The following PCDHA9 variants were observed in gnomAD, a reference collection of about 807,000 sequenced individuals.
PCDHA9 encodes the protein protocadherin alpha 9, also known as protocadherin alpha-9.
PCDHA9 carries 62 observed loss-of-function variants against 62.0 expected under a neutral mutation model. That is an observed-to-expected ratio of 1.00 (90% CI 0.81 to 1.23). The LOEUF (loss-of-function observed/expected upper bound fraction) is 1.23, where lower values mean the gene tolerates loss of function less well. Among genes scored for constraint, PCDHA9 ranks in the 50% most tolerant of loss-of-function variants. PCDHA9 has a pLI of 0.00. For synonymous variants in PCDHA9, 557 were observed against 567.6 expected (o/e 0.98, Z 0.27); for missense variants, 1,205 against 1,249.8 (o/e 0.96, Z 0.54).
At chr5:140,913,384 C>T (rs1018271300) in intron 1 of PCDHA9, among the ~76,000 whole-genome samples, 1 of 152,144 alleles carries the variant, frequency 6.6e-6, no homozygotes, top group Non-Finnish European at 1.5e-5. Flanking sequence ...AGTGGCTCAT[C>T]ATAGCCACTA....
chr5:140,875,687 G>T, intron 1 of PCDHA9: 10 of 1,614,012 alleles, frequency 6.2e-6, no homozygotes, highest in Non-Finnish European at 8.5e-6. Context: ...AAAAGACACG[G>T]GGACCTTCTG....
At chr5:140,866,680 C>G (rs2049493628) in intron 1 of PCDHA9, 1 of 152,138 alleles carries the variant, frequency 6.6e-6, no homozygotes, top group South Asian at 2.1e-4. Context: ...AGCACTAGGT[C>G]TGTTAGAATA....
intron 1 of PCDHA9, among the ~76,000 whole-genome samples, chr5:140,936,457 TG>T (rs782214118): frequency 2.2e-4 from 34 of 152,232 alleles, no homozygotes; most frequent in Non-Finnish European, 4.6e-4. Flanking sequence ...ATCTGTTTAG[TG>T]GTTGCTGTAG....
Position 141,011,530 on chromosome 5 carries a change from T to A in PCDHA9, c.*1593T>A, listed in dbSNP as rs1427621980. 1 of 153,810 alleles carries A rather than the reference T, an allele frequency of 6.5e-6. No individual in the cohort carries two copies. The highest frequency in any genetic ancestry group is 1.5e-5 in the Non-Finnish European group (1 of 68,042). The allele number at this position is 153,810 out of a possible 1,614,324, so 9.5% of individuals were successfully genotyped here. A position where few individuals can be genotyped will look rare whatever the true frequency, so the allele number is the denominator to read the frequency against. On this transcript the variant is annotated 3_prime_UTR_variant, in exon 4 of 4. Coordinates refer to ENST00000532602, the MANE Select transcript of PCDHA9 (RefSeq NM_031857.2). ...TGGAGTAGTGTTTTTTTAACCATTG[T>A]TAATCAGCTTTTGTGTATGAAAGAC...
intron 1 of PCDHA9, among the ~76,000 whole-genome samples, chr5:140,900,209 G>A (rs918328130): frequency 6.6e-6 from 1 of 152,146 alleles, no homozygotes; most frequent in Non-Finnish European, 1.5e-5. Context: ...GTTTCATCCA[G>A]GTTGTTGCAA....
At chr5:140,993,226 T>G (rs1554253487) in intron 3 of PCDHA9, among the ~76,000 whole-genome samples, 1 of 152,204 alleles carries the variant, frequency 6.6e-6, no homozygotes, top group Non-Finnish European at 1.5e-5. Context: ...TTTGGTATGT[T>G]CTCTCTGAAT....
At chr5:140,919,069 A>G (rs2078992601) in intron 1 of PCDHA9, among the ~76,000 whole-genome samples, 1 of 152,200 alleles carries the variant, frequency 6.6e-6, no homozygotes, top group African/African-American at 2.4e-5. Context: ...TAAAGTCTCC[A>G]GTTATGACTA....
chr5:140,887,286 T>TG (rs1171397329), intron 1 of PCDHA9, among the ~76,000 whole-genome samples: 1 of 151,952 alleles, frequency 6.6e-6, no homozygotes, highest in Non-Finnish European at 1.5e-5. Context: ...TTAGTAGAGA[T>TG]GGGGTTTCAT....
intron 1 of PCDHA9, among the ~76,000 whole-genome samples, chr5:140,913,322 T>G (rs1348973730): frequency 6.6e-6 from 1 of 152,190 alleles, no homozygotes; most frequent in Non-Finnish European, 1.5e-5. Context: ...GTAAGTTGTA[T>G]GTGTCTAGGA....
At position 140,882,318 on chromosome 5, in the gene PCDHA9, G is replaced by A. The variant is rs534213144; in HGVS notation, c.2394+31429G>A. On this transcript the variant is annotated intron_variant, in intron 1 of 3. Transcript: ENST00000532602. ...CCAAGACCGCGGCAACTACTGCTCT[G>A]GCTTCTGATCCTCGCAGCCTGGGAG... 5 of 1,614,128 alleles carry A rather than the reference G, an allele frequency of 3.1e-6. No individual in the cohort carries two copies. In the African/African-American group the frequency reaches 6.7e-5, roughly 22 times the overall value.
chr5:140,877,014 C>A lies in PCDHA9; in HGVS notation c.2394+26125C>A, dbSNP rs559122507. On this transcript the variant is annotated intron_variant, in intron 1 of 3. Coordinates refer to ENST00000532602, the MANE Select transcript of PCDHA9 (RefSeq NM_031857.2). ...GCTACGTGTCGGTGCACGCGGAGAG[C>A]GGCAAGGTGTACGCGCTGCAGCCGC... is the stretch of plus-strand genomic sequence containing the variant. 5 of 1,612,440 alleles carry A rather than the reference C, an allele frequency of 3.1e-6. No homozygotes were observed. In the African/African-American group the frequency reaches 4.0e-5, roughly 13 times the overall value.
chr5:140,996,410 G>A (rs1195533511), intron 3 of PCDHA9, among the ~76,000 whole-genome samples: 2 of 152,222 alleles, frequency 1.3e-5, no homozygotes, highest in African/African-American at 2.4e-5. Flanking sequence ...GGTGGGGCAG[G>A]CAGTGTGAAA....
At chr5:140,855,829 C>T in intron 1 of PCDHA9, 1 of 560,296 alleles carries the variant, frequency 1.8e-6, no homozygotes. Flanking sequence ...CTCATGGAAT[C>T]GTACTTACAC....
At chr5:140,871,532 T>G in intron 1 of PCDHA9, 1 of 1,515,318 alleles carries the variant, frequency 6.6e-7, no homozygotes, top group Non-Finnish European at 8.8e-7. Flanking sequence ...AGGAAGTGTA[T>G]GTGAAATTAT....
chr5:140,925,026 G>A (rs1440774987), intron 1 of PCDHA9, among the ~76,000 whole-genome samples: 1 of 151,826 alleles, frequency 6.6e-6, no homozygotes, highest in Non-Finnish European at 1.5e-5. Flanking sequence ...TGGGAGGATC[G>A]CTTGAGCCCA....
chr5:140,889,541 ATTTAC>A (rs1434823292), intron 1 of PCDHA9, among the ~76,000 whole-genome samples: 9 of 151,878 alleles, frequency 5.9e-5, no homozygotes, highest in African/African-American at 2.2e-4. Context: ...TTCCTGTCTA[ATTTAC>A]TTTTCTTCAG....
rs2150425327 is a variant in PCDHA9 at position 140,848,932 on chromosome 5, G to T, written c.437G>T (p.Arg146Met). The T allele has an allele frequency of 3.7e-6, 6 of 1,607,494 alleles. No individual in the cohort carries two copies. In the African/African-American group the frequency reaches 8.1e-5, roughly 22 times the overall value. ...AAGAATCTGTTCATCGCGGAATCCA[G>T]GCCGCTTGACTCTCGGTTTCCACTA... ...TQKNLFIAES[R>M]PLDSRFPLEG... Residue 146 changes from arginine to methionine, a missense_variant, in exon 1 of 4, where the codon AGG (arginine) becomes ATG (methionine). This residue lies in a region of PCDHA9 where 208 missense variants were observed against 213.2 expected (regional missense o/e 0.98). Transcript: ENST00000532602.
At position 140,942,948 on chromosome 5, in the gene PCDHA9, C is replaced by T. The variant is rs534534050; in HGVS notation, c.2395-36001C>T. 1.4e-4 allele frequency among the ~76,000 whole-genome samples: 22 copies of T among 151,804 alleles called. No individual in the cohort carries two copies. The South Asian group carries it at 4.0e-3, about 27-fold the overall frequency. On this transcript the variant is annotated intron_variant, in intron 1 of 3. Transcript: ENST00000532602. ...ATTGAAAAAGAGTTTAAAGTGTAGA[C>T]GTTCTGTTATCAGAATTAAATTTTG... is the stretch of plus-strand genomic sequence containing the variant.
At chr5:140,902,611 A>G (rs924512539) in intron 1 of PCDHA9, among the ~76,000 whole-genome samples, 1 of 151,996 alleles carries the variant, frequency 6.6e-6, no homozygotes, top group East Asian at 1.9e-4. Flanking sequence ...TTTCAGTTAC[A>G]TGGGTAAGTT....
Sources: gnomAD v4.1 joint callset for allele counts (sites outside exome capture counted in the v4.1 genomes callset) on GRCh38, gnomAD v4.1.1 for gene constraint, gnomAD v4.1.1 regional missense constraint, MANE v1.5 for transcripts, NCBI Gene and HGNC (gene_info 2026-07-23, HGNC 2026-07-21) for gene names.